The following ALPL variants were observed in gnomAD, a reference collection of about 807,000 sequenced individuals.
The protein encoded by ALPL is alkaline phosphatase, biomineralization associated.
ALPL carries 42 observed loss-of-function variants against 51.3 expected under a neutral mutation model. The observed-to-expected ratio is 0.82, with a 90% CI of 0.64 to 1.06. The LOEUF (loss-of-function observed/expected upper bound fraction) is 1.06. ALPL is among the 50% of genes least tolerant of loss of function. The pLI is 0.00. For synonymous variants in ALPL, 279 were observed against 296.4 expected, an observed-to-expected ratio of 0.94 and a Z score of 0.60; for missense variants, 589 against 709.4, an observed-to-expected ratio of 0.83 and a Z score of 1.93.
At position 21,577,479 on chromosome 1, in the gene ALPL, A is replaced by G. The variant is rs759662331; in HGVS notation, c.1406A>G (p.His469Arg). Residue 469 changes from histidine to arginine, a missense_variant, in exon 12 of 12, where the codon CAC becomes CGC. Physicochemically the swap from His to Arg is conservative, Grantham distance 29. Transcript: ENST00000374840. ...VAVFSKGPMAHLLHGVHEQNY... is the reference protein window; with the variant it reads ...VAVFSKGPMARLLHGVHEQNY... ...GTCTTCTCCAAGGGCCCCATGGCGC[A>G]CCTGCTGCACGGCGTCCACGAGCAG... is the stretch of plus-strand genomic sequence containing the variant. 1 of 1,610,248 alleles carries G rather than the reference A, an allele frequency of 6.2e-7. No homozygotes were observed. The highest frequency in any genetic ancestry group is 2.2e-5 in the East Asian group (1 of 44,862).
At chr1:21,575,612 C>T (rs949393383) in intron 9 of ALPL, 121 bp from the exon 10 acceptor site, 16 of 1,214,494 alleles carry the variant, frequency 1.3e-5, no homozygotes, top group African/African-American at 4.5e-5. Flanking sequence ...GAGTGGTGCC[C>T]GGCGAAGGTT....
chr1:21,522,200 T>C (rs1643889482), intron 1 of ALPL, among the ~76,000 whole-genome samples: 1 of 152,000 alleles, frequency 6.6e-6, no homozygotes, highest in Non-Finnish European at 1.5e-5. Flanking sequence ...ACCTCCCCAG[T>C]AGCTGGGACT....
chr1:21,563,043 G>A, intron 4 of ALPL, 67 bp from the exon 5 acceptor site: 1 of 1,590,566 alleles, frequency 6.3e-7, no homozygotes, highest in Non-Finnish European at 8.6e-7. Context: ...TGGTGTGAGT[G>A]TAGGCGGGGT....
chr1:21,545,489 T>C (rs374632596), intron 1 of ALPL, among the ~76,000 whole-genome samples: 2 of 151,848 alleles, frequency 1.3e-5, no homozygotes, highest in African/African-American at 4.8e-5. Context: ...CAGGGTTTCA[T>C]CATGTTGGCC....
chr1:21,554,777 A>C (rs1322458297), intron 2 of ALPL, among the ~76,000 whole-genome samples: 3 of 149,408 alleles, frequency 2.0e-5, no homozygotes, highest in Admixed American at 6.6e-5. Context: ...GGCGTGAGCC[A>C]CCGCGCCTGG....
At chr1:21,539,593 C>G (rs2148109230) in intron 1 of ALPL, among the ~76,000 whole-genome samples, 1 of 152,114 alleles carries the variant, frequency 6.6e-6, no homozygotes, top group Admixed American at 6.5e-5. Context: ...TATCCCTGCC[C>G]CTGATGTGCT....
intron 3 of ALPL, 49 bp from the exon 4 acceptor site, chr1:21,561,048 T>A (rs539223171): frequency 6.6e-6 from 10 of 1,524,484 alleles, no homozygotes; most frequent in Admixed American, 1.9e-5. Flanking sequence ...AGCAGGCTGA[T>A]TGGAGAGGCA....
chr1:21,554,115 ACCTGCCTTACTAACT>A lies in ALPL; in HGVS notation c.38_52del (p.Cys13_Ser17del). On this transcript the variant is annotated inframe_deletion, in exon 2 of 12. Transcript: ENST00000374840. ...ACCATTCTTAGTACTGGCCATTGGC[ACCTGCCTTACTAACT>A]CCTTAGTGCCAGGTATGCTTGGGGA... 1 of 1,609,350 alleles carries A rather than the reference ACCTGCCTTACTAACT, an allele frequency of 6.2e-7. No individual in the cohort carries two copies. Among genetic ancestry groups the A allele is most frequent in the South Asian group, 1.1e-5 (1 of 90,906 alleles).
At chr1:21,514,310 G>A (rs1643750927) in intron 1 of ALPL, among the ~76,000 whole-genome samples, 1 of 152,158 alleles carries the variant, frequency 6.6e-6, no homozygotes, top group Non-Finnish European at 1.5e-5. Context: ...GCAGGGAAGA[G>A]ACTCCCTTGA....
intron 3 of ALPL, 58 bp from the exon 4 acceptor site, chr1:21,561,039 G>GC: frequency 2.0e-6 from 3 of 1,464,926 alleles, no homozygotes; most frequent in Non-Finnish European, 2.8e-6. Context: ...GGGTACCCAA[G>GC]CAGGCTGATT....
chr1:21,554,536 G>A (rs913717479), intron 2 of ALPL, among the ~76,000 whole-genome samples: 2 of 147,304 alleles, frequency 1.4e-5, no homozygotes, highest in East Asian at 2.0e-4. Flanking sequence ...TGTTGCCCAA[G>A]CTAGAGTGCA....
At chr1:21,533,624 A>G (rs1372286655) in intron 1 of ALPL, among the ~76,000 whole-genome samples, 1 of 152,118 alleles carries the variant, frequency 6.6e-6, no homozygotes, top group Non-Finnish European at 1.5e-5. Flanking sequence ...CACACTATTC[A>G]GAAGATTAGA....
chr1:21,575,808 C>T lies in ALPL; in HGVS notation c.1073C>T (p.Ala358Val), dbSNP rs1315455357. ...CATGAGGCGGTGGAGATGGACCGGG[C>T]CATCGGGCAGGCAGGCAGCTTGACC... The part of the protein sequence containing the change: ...ALHEAVEMDR[A>V]IGQAGSLTSS... The change falls in exon 10 of 12, where the codon GCC becomes GTC. Residue 358 changes from alanine (A) to valine (V), a missense_variant. By Grantham distance (64) the Ala-to-Val change is moderately conservative (BLOSUM62 0). Transcript: ENST00000374840. 5 of 1,614,114 alleles carry T rather than the reference C, an allele frequency of 3.1e-6. No homozygotes were observed. The African/African-American group carries it at 6.7e-5, about 22-fold the overall frequency.
chr1:21,510,428 GA>G (rs1265801323), intron 1 of ALPL, among the ~76,000 whole-genome samples: 1 of 152,168 alleles, frequency 6.6e-6, no homozygotes, highest in Non-Finnish European at 1.5e-5. Context: ...TGGGCCCTGG[GA>G]AAAAGTCAGA....
intron 1 of ALPL, among the ~76,000 whole-genome samples, chr1:21,530,753 A>T (rs367976606): frequency 6.7e-6 from 1 of 148,556 alleles, no homozygotes; most frequent in African/African-American, 2.5e-5. Flanking sequence ...CTGCAGTTCC[A>T]CATTGTTTGC....
chr1:21,559,338 C>T (rs528796923), intron 2 of ALPL, among the ~76,000 whole-genome samples: 8 of 152,254 alleles, frequency 5.3e-5, no homozygotes, highest in African/African-American at 1.7e-4. Context: ...GCCCTGGAGA[C>T]GGGATAATGG....
intron 1 of ALPL, among the ~76,000 whole-genome samples, chr1:21,553,653 C>T (rs1281206300): frequency 6.6e-6 from 1 of 152,206 alleles, no homozygotes; most frequent in African/African-American, 2.4e-5. Flanking sequence ...GCTCTCCTTA[C>T]AGTTTGAGAA....
At chr1:21,571,615 T>C (rs1319946794) in intron 8 of ALPL, among the ~76,000 whole-genome samples, 1 of 151,066 alleles carries the variant, frequency 6.6e-6, no homozygotes, top group Non-Finnish European at 1.5e-5. Flanking sequence ...GAGGTTACAG[T>C]GAGCCAAGAT....
chr1:21,522,072 A>AT (rs35302039), intron 1 of ALPL, among the ~76,000 whole-genome samples: 28,492 of 134,726 alleles, frequency 0.21, 3,283 homozygotes, highest in Middle Eastern at 0.3. Context: ...ACATATGTCC[A>AT]TTTTTTTTTT....
Sources: gnomAD v4.1 joint callset for allele counts (sites outside exome capture counted in the v4.1 genomes callset) on GRCh38, gnomAD v4.1.1 for gene constraint, MANE v1.5 for transcripts, NCBI Gene and HGNC (gene_info 2026-07-23, HGNC 2026-07-21) for gene names.